PAX5: variants seen among roughly 807,000 people sequenced by gnomAD.
PAX5 encodes paired box protein Pax-5.
Under a neutral mutation model 43.7 loss-of-function variants are expected in PAX5, and 9 were observed. That is an observed-to-expected ratio of 0.21 (90% confidence interval 0.12 to 0.36). The LOEUF (loss-of-function observed/expected upper bound fraction) is 0.36. Ranked by LOEUF, PAX5 falls within the 10% of genes least tolerant of loss-of-function variation. The pLI, the probability that PAX5 is intolerant of heterozygous loss-of-function variation, is 1.00. For missense variants in PAX5, 383 were observed against 532.7 expected (o/e 0.72, Z 2.77); for synonymous variants, 228 against 214.3 (o/e 1.06, Z -0.56).
intron 7 of PAX5, among the ~76,000 whole-genome samples, chr9:36,921,720 G>A (rs1201241738): frequency 6.6e-6 from 1 of 152,174 alleles, no homozygotes; most frequent in East Asian, 1.9e-4. Context: ...ACTCTGCCAT[G>A]CCCACCTCTA....
intron 3 of PAX5, among the ~76,000 whole-genome samples, chr9:37,008,430 A>C (rs1407336038): frequency 6.6e-6 from 1 of 152,188 alleles, no homozygotes; most frequent in African/African-American, 2.4e-5. Context: ...CAGACCATTA[A>C]TATCTGAAAG....
intron 7 of PAX5, among the ~76,000 whole-genome samples, chr9:36,913,954 C>T (rs552061247): frequency 6.6e-5 from 10 of 152,290 alleles, no homozygotes; most frequent in African/African-American, 2.2e-4. Context: ...AGATGAATGC[C>T]GTGTGGTGAA....
chr9:37,009,532 A>G (rs148916137), intron 3 of PAX5, among the ~76,000 whole-genome samples: 6 of 152,340 alleles, frequency 3.9e-5, no homozygotes, highest in African/African-American at 1.4e-4. Context: ...TTGCTTTAAA[A>G]AGCACAAGGC....
At chr9:36,985,938 C>T (rs1189783477) in intron 5 of PAX5, among the ~76,000 whole-genome samples, 2 of 152,184 alleles carry the variant, frequency 1.3e-5, no homozygotes, top group African/African-American at 4.8e-5. Context: ...GGCAGTCGCA[C>T]CCAGGAGGAC....
chr9:36,993,050 G>C (rs1036927036), intron 5 of PAX5, among the ~76,000 whole-genome samples: 2 of 152,178 alleles, frequency 1.3e-5, no homozygotes, highest in Non-Finnish European at 2.9e-5. Context: ...TGTGTGATTT[G>C]TCTTCTTCAC....
chr9:36,860,112 G>A (rs368401765), intron 8 of PAX5, among the ~76,000 whole-genome samples: 1 of 151,974 alleles, frequency 6.6e-6, no homozygotes, highest in Non-Finnish European at 1.5e-5. Flanking sequence ...GCTGAGGCGG[G>A]TAGATCACGA....
chr9:37,014,344 T>C (rs1437900845), intron 3 of PAX5, among the ~76,000 whole-genome samples: 1 of 152,102 alleles, frequency 6.6e-6, no homozygotes, highest in Admixed American at 6.6e-5. Context: ...CATGTATGAG[T>C]TGGGGAGAGG....
chr9:36,904,916 C>T (rs1342556966), intron 7 of PAX5, among the ~76,000 whole-genome samples: 1 of 152,166 alleles, frequency 6.6e-6, no homozygotes, highest in Admixed American at 6.5e-5. Context: ...AAGGCAGAGA[C>T]AATTCAGAAT....
chr9:37,021,793 T>C (rs2132508555), intron 1 of PAX5, among the ~76,000 whole-genome samples: 1 of 152,286 alleles, frequency 6.6e-6, no homozygotes, highest in Admixed American at 6.5e-5. Context: ...TTATAGCTGT[T>C]AATTAGTCAC....
At chr9:36,877,081 A>G (rs2131734604) in intron 8 of PAX5, among the ~76,000 whole-genome samples, 1 of 152,330 alleles carries the variant, frequency 6.6e-6, no homozygotes, top group East Asian at 1.9e-4. Context: ...TCATGCCTGT[A>G]ATCCCAACAC....
intron 3 of PAX5, among the ~76,000 whole-genome samples, chr9:37,011,613 A>C (rs1838938280): frequency 6.6e-6 from 1 of 152,236 alleles, no homozygotes; most frequent in South Asian, 2.1e-4. Context: ...TTTGTCCATA[A>C]GAAGTCAAAT....
chr9:36,974,855 A>C (rs1476908187), intron 5 of PAX5, among the ~76,000 whole-genome samples: 1 of 151,900 alleles, frequency 6.6e-6, no homozygotes, highest in African/African-American at 2.4e-5. Flanking sequence ...CTGCCCCTCT[A>C]GTCAGGGTCA....
At chr9:36,899,558 A>C (rs1254569794) in intron 7 of PAX5, among the ~76,000 whole-genome samples, 1 of 151,876 alleles carries the variant, frequency 6.6e-6, no homozygotes, top group Non-Finnish European at 1.5e-5. Flanking sequence ...TTTTGAGCCC[A>C]ATCGGTGTTA....
rs185981995 is a variant in PAX5 at position 37,027,820 on chromosome 9, C to T, written c.46+6166G>A. 3.8e-3 allele frequency among the ~76,000 whole-genome samples: 574 copies of T among 152,388 alleles called. 2 individuals are homozygous for T. The highest frequency in any genetic ancestry group is 0.013 in the African/African-American group (559 of 41,592). Reference sequence around the variant, plus strand: ...CAGCCGGCCCTGGCCCGAAACACCGCCCCATTGGCTAAGCAGCCCACAGGC... The same window carrying T: ...CAGCCGGCCCTGGCCCGAAACACCGTCCCATTGGCTAAGCAGCCCACAGGC... On this transcript the variant is annotated intron_variant, in intron 1 of 9. Transcript: ENST00000358127.
chr9:36,939,865 T>C (rs1285240154), intron 6 of PAX5, among the ~76,000 whole-genome samples: 2 of 152,136 alleles, frequency 1.3e-5, no homozygotes, highest in Non-Finnish European at 2.9e-5. Context: ...TGGCGTCGTG[T>C]GGGCGCAGCA....
At chr9:36,843,362 A>G (rs936825138) in intron 9 of PAX5, among the ~76,000 whole-genome samples, 1 of 152,146 alleles carries the variant, frequency 6.6e-6, no homozygotes, top group Admixed American at 6.5e-5. Context: ...AGCTATTTGC[A>G]AGGCTGTGGG....
intron 8 of PAX5, among the ~76,000 whole-genome samples, chr9:36,857,359 A>G (rs1823777417): frequency 6.6e-6 from 1 of 152,232 alleles, no homozygotes; most frequent in Non-Finnish European, 1.5e-5. Context: ...CATTTAATTC[A>G]GCATCCACTG....
At chr9:36,894,223 G>T (rs762576659) in intron 7 of PAX5, among the ~76,000 whole-genome samples, 8 of 152,160 alleles carry the variant, frequency 5.3e-5, no homozygotes, top group Non-Finnish European at 1.0e-4. Flanking sequence ...ATGTTCTCCT[G>T]CCCAGGGCTG....
At chr9:36,876,452 T>C (rs1825918881) in intron 8 of PAX5, among the ~76,000 whole-genome samples, 1 of 152,240 alleles carries the variant, frequency 6.6e-6, no homozygotes, top group Non-Finnish European at 1.5e-5. Flanking sequence ...AACCTTTTTT[T>C]CTCAGACTTA....
Sources: gnomAD v4.1 joint callset for allele counts (sites outside exome capture counted in the v4.1 genomes callset) on GRCh38, gnomAD v4.1.1 for gene constraint, MANE v1.5 for transcripts, NCBI Gene and HGNC (gene_info 2026-07-23, HGNC 2026-07-21) for gene names.